KCND2: variants seen among roughly 807,000 people sequenced by gnomAD.
The protein encoded by KCND2 is A-type voltage-gated potassium channel KCND2.
KCND2 carries 16 observed loss-of-function variants against 54.4 expected under a neutral mutation model. The ratio of observed to expected loss-of-function variants is 0.29; its 90% CI spans 0.20 to 0.45. The LOEUF (loss-of-function observed/expected upper bound fraction) is 0.45. Ranked by LOEUF, KCND2 falls within the 20% of genes least tolerant of loss-of-function variation. KCND2 has a pLI of 1.00. For synonymous variants in KCND2, 317 were observed against 310.7 expected (o/e 1.02, Z -0.21); for missense variants, 486 against 824.2 (o/e 0.59, Z 5.02).
At chr7:120,554,012 G>A (rs1005228789) in intron 1 of KCND2, among the ~76,000 whole-genome samples, 6 of 151,976 alleles carry the variant, frequency 3.9e-5, no homozygotes, top group African/African-American at 1.5e-4. Context: ...CATCCTCAAG[G>A]GCCTATATAT....
chr7:120,713,104 C>T (rs1005355463), intron 1 of KCND2, among the ~76,000 whole-genome samples: 4 of 152,198 alleles, frequency 2.6e-5, no homozygotes, highest in Admixed American at 6.5e-5. Context: ...TGTGAGGTTA[C>T]GAACTTATTA....
chr7:120,273,179 C>T lies in KCND2; in HGVS notation c.-1454C>T, dbSNP rs895644129. Reference sequence around the variant, plus strand: ...GAAAGGCAGGAGACGCCTTTCCTAACCTGCGTGGCGGGGCGTGCGCGCGGT... The same window carrying T: ...GAAAGGCAGGAGACGCCTTTCCTAATCTGCGTGGCGGGGCGTGCGCGCGGT... On this transcript the variant is annotated 5_prime_UTR_variant, in exon 1 of 6. Transcript: ENST00000331113. Among the ~76,000 whole-genome samples the T allele has an allele frequency of 6.6e-6, 1 of 152,182 alleles. No individual in the cohort carries two copies. The highest frequency in any genetic ancestry group is 6.5e-5 in the Admixed American group (1 of 15,286).
In KCND2 at chr7:120,659,060, G is replaced by T. The variant is rs561466881; in HGVS notation, c.1116-73843G>T. Among the ~76,000 whole-genome samples, 10 of 152,244 alleles carry T rather than the reference G, an allele frequency of 6.6e-5. No individual in the cohort carries two copies. The South Asian group carries it at 2.1e-3, about 32-fold the overall frequency. On this transcript the variant is annotated intron_variant, in intron 1 of 5. Coordinates refer to ENST00000331113, the MANE Select transcript of KCND2 (RefSeq NM_012281.3). ...TAACTGAATAATAAATTTTTGTTAG[G>T]ATTAGAGAGTTAGAAAACAAGAAAG...
intron 1 of KCND2, among the ~76,000 whole-genome samples, chr7:120,371,756 ATTCT>A (rs1800768662): frequency 1.3e-5 from 2 of 151,956 alleles, no homozygotes; most frequent in African/African-American, 4.8e-5. Flanking sequence ...CTCCTACAGT[ATTCT>A]GTAGAGTAAC....
At chr7:120,499,724 T>C (rs1193944912) in intron 1 of KCND2, among the ~76,000 whole-genome samples, 9 of 152,170 alleles carry the variant, frequency 5.9e-5, no homozygotes, top group African/African-American at 2.2e-4. Context: ...ATTGCCAAAA[T>C]GTTTTATGCT....
intron 1 of KCND2, among the ~76,000 whole-genome samples, chr7:120,429,344 C>T (rs1218326127): frequency 1.3e-5 from 2 of 152,156 alleles, no homozygotes; most frequent in African/African-American, 2.4e-5. Flanking sequence ...AAAAACAGTT[C>T]ACTTAACAAT....
chr7:120,644,322 G>A (rs1793411971), intron 1 of KCND2, among the ~76,000 whole-genome samples: 1 of 152,094 alleles, frequency 6.6e-6, no homozygotes, highest in Admixed American at 6.6e-5. Context: ...CTCCATTTCC[G>A]AGGCGCAGAA....
chr7:120,463,992 G>A (rs1802327914), intron 1 of KCND2: 1 of 932,840 alleles, frequency 1.1e-6, no homozygotes, highest in South Asian at 4.9e-5. Flanking sequence ...GGCTACATTG[G>A]ATAAATAAAA....
chr7:120,523,529 A>G, intron 1 of KCND2, among the ~76,000 whole-genome samples: 1 of 150,058 alleles, frequency 6.7e-6, no homozygotes, highest in East Asian at 2.0e-4. Flanking sequence ...TTTTGAAACA[A>G]CTCAGTGAGA....
chr7:120,623,573 A>G (rs1374100577), intron 1 of KCND2, among the ~76,000 whole-genome samples: 1 of 152,198 alleles, frequency 6.6e-6, no homozygotes, highest in African/African-American at 2.4e-5. Context: ...TGCATTTTCA[A>G]CAATGCTCCT....
At chr7:120,424,036 T>C (rs1801665258) in intron 1 of KCND2, among the ~76,000 whole-genome samples, 1 of 152,242 alleles carries the variant, frequency 6.6e-6, no homozygotes, top group Non-Finnish European at 1.5e-5. Context: ...GATTATCCTA[T>C]AGGCCACTCA....
chr7:120,558,779 G>C (rs1382405540), intron 1 of KCND2, among the ~76,000 whole-genome samples: 1 of 152,046 alleles, frequency 6.6e-6, no homozygotes, highest in African/African-American at 2.4e-5. Flanking sequence ...ACAGTTGCCT[G>C]TTTCCTTAAA....
chr7:120,518,351 G>T (rs903161848), intron 1 of KCND2, among the ~76,000 whole-genome samples: 3 of 152,116 alleles, frequency 2.0e-5, no homozygotes, highest in Admixed American at 2.0e-4. Context: ...TTGAGACATT[G>T]TGGTAAATAT....
chr7:120,514,699 G>A (rs1302567842), intron 1 of KCND2, among the ~76,000 whole-genome samples: 3 of 151,970 alleles, frequency 2.0e-5, no homozygotes, highest in African/African-American at 7.2e-5. Flanking sequence ...TTTTTCCATG[G>A]ACAGGAGCTG....
chr7:120,399,156 G>T (rs191859228), intron 1 of KCND2, among the ~76,000 whole-genome samples: 2 of 151,524 alleles, frequency 1.3e-5, no homozygotes, highest in African/African-American at 4.9e-5. Flanking sequence ...GTTGGCTATT[G>T]TATATACTAT....
intron 1 of KCND2, among the ~76,000 whole-genome samples, chr7:120,468,545 C>A (rs1220080555): frequency 6.6e-6 from 1 of 151,984 alleles, no homozygotes; most frequent in African/African-American, 2.4e-5. Context: ...TTGTGATATT[C>A]CTTTTGGAAA....
chr7:120,290,416 T>C (rs1470112863), intron 1 of KCND2, among the ~76,000 whole-genome samples: 1 of 152,032 alleles, frequency 6.6e-6, no homozygotes, highest in Non-Finnish European at 1.5e-5. Flanking sequence ...AAAACTCTTT[T>C]CCAAATACTT....
intron 1 of KCND2, among the ~76,000 whole-genome samples, chr7:120,445,164 A>G (rs550070862): frequency 5.3e-5 from 8 of 152,320 alleles, no homozygotes; most frequent in African/African-American, 1.7e-4. Context: ...AGGAATTTGA[A>G]GACAAATGAC....
intron 1 of KCND2, among the ~76,000 whole-genome samples, chr7:120,707,473 ACACT>A (rs1274351177): frequency 6.6e-6 from 1 of 152,116 alleles, no homozygotes; most frequent in East Asian, 1.9e-4. Context: ...AGATCCCAAA[ACACT>A]CAAACACTCT....
Sources: allele counts gnomAD v4.1 joint callset (sites outside exome capture counted in the v4.1 genomes callset), GRCh38; gene constraint gnomAD v4.1.1; transcripts MANE v1.5; gene names NCBI Gene and HGNC (gene_info 2026-07-23, HGNC 2026-07-21).